Variants in ATL3 observed in about 807,000 individuals in gnomAD.
The protein encoded by ATL3 is atlastin-3.
In ATL3, 49 loss-of-function variants were observed where a neutral mutation model predicts 69.5. The observed-to-expected ratio is 0.71, with a 90% CI of 0.56 to 0.89. ATL3 has a LOEUF of 0.89. Ranked by LOEUF, ATL3 falls within the 40% of genes least tolerant of loss-of-function variation. The probability of loss-of-function intolerance (pLI) is 0.00; values close to 1 mark genes in which losing one functional copy is unlikely to be tolerated. For synonymous variants in ATL3, 214 were observed against 224.1 expected, an observed-to-expected ratio of 0.95 and a Z score of 0.40; for missense variants, 606 against 645.7, an observed-to-expected ratio of 0.94 and a Z score of 0.67.
rs147708679 is a variant in ATL3, at chr11:63,666,584, C to T, written c.46+4706G>A. 6.5e-3 allele frequency among the ~76,000 whole-genome samples: 962 copies of T among 147,738 alleles called. 7 individuals carry two copies. The highest frequency in any genetic ancestry group is 0.022 in the African/African-American group (889 of 40,596). On this transcript the variant is annotated intron_variant, in intron 1 of 12. Coordinates refer to ENST00000398868, the MANE Select transcript of ATL3 (RefSeq NM_015459.5). ...CAAGTGCTAACTGGGTGTGGTGGCT[C>T]ATGCATGTAATCCCAGCACTTTGGG...
intron 3 of ATL3, among the ~76,000 whole-genome samples, chr11:63,655,741 G>A (rs114342166): frequency 0.026 from 4,006 of 151,246 alleles, 176 homozygotes; most frequent in African/African-American, 0.091. Context: ...CCACCGCGCC[G>A]GCCAAAGAAT....
At position 63,628,264 on chromosome 11, in the gene ATL3, A is replaced by G. The variant is rs2134455509; in HGVS notation, c.*1055T>C. On this transcript the variant is annotated 3_prime_UTR_variant, in exon 13 of 13. Transcript: ENST00000398868. ...TAGCGCATTCCTTTTATTATGAGCC[A>G]CTCTGGCTTTTCAAGGCACGTTTGC... The G allele has an allele frequency of 6.6e-6, 1 of 150,866 alleles. No individual in the cohort carries two copies. Among genetic ancestry groups the G allele is most frequent in the South Asian group, 2.1e-4 (1 of 4,792 alleles). 9.3% of individuals were successfully genotyped at this position (150,866 alleles called of 1,614,324 possible). A position where few individuals can be genotyped will look rare whatever the true frequency, so the allele number is the denominator to read the frequency against.
chr11:63,646,269 T>A (rs1454234072), intron 6 of ATL3, among the ~76,000 whole-genome samples: 2 of 152,240 alleles, frequency 1.3e-5, no homozygotes, highest in South Asian at 2.1e-4. Flanking sequence ...CAAATGAGCA[T>A]GGCTGTGTTA....
At chr11:63,666,860 G>A (rs1043521879) in intron 1 of ATL3, among the ~76,000 whole-genome samples, 8 of 152,178 alleles carry the variant, frequency 5.3e-5, no homozygotes, top group Admixed American at 1.3e-4. Context: ...AGTTAATGCT[G>A]TATTACATTA....
At chr11:63,635,614 G>A (rs766282029) in intron 9 of ATL3, 24 bp from the exon 10 acceptor site, 1 of 1,526,906 alleles carries the variant, frequency 6.5e-7, no homozygotes, top group Admixed American at 1.7e-5. Flanking sequence ...CATAAAAACT[G>A]CTATAAAATG....
At position 63,644,246 on chromosome 11, in the gene ATL3, C is replaced by T; in HGVS notation, c.634G>A (p.Val212Ile). The T allele has an allele frequency of 6.2e-7, 1 of 1,603,138 alleles. No homozygotes were observed. The highest frequency in any genetic ancestry group is 8.5e-7 in the Non-Finnish European group (1 of 1,173,196). The change falls in exon 7 of 13, where the codon GTT becomes ATT. Residue 212 changes from valine (V) to isoleucine (I), a missense_variant. Val to Ile is a conservative substitution (Grantham distance 29). Transcript: ENST00000398868. ...TCATAAGGGAAACTCCAATCTCTAA[C>T]CAAAAACATCAGTGTCTATTTAAGA... The part of the protein sequence containing the change: ...QKPFQTLMFL[V>I]RDWSFPYEYS...
intron 1 of ATL3, among the ~76,000 whole-genome samples, chr11:63,665,491 A>C (rs142474241): frequency 6.6e-6 from 1 of 152,286 alleles, no homozygotes; most frequent in Non-Finnish European, 1.5e-5. Context: ...CCAAGAATAA[A>C]GGAAGGGAAC....
intron 6 of ATL3, 105 bp downstream of exon 6, chr11:63,646,402 A>G: frequency 6.4e-6 from 4 of 626,468 alleles, no homozygotes; most frequent in Non-Finnish European, 8.5e-6. Flanking sequence ...CTCACAAGTC[A>G]TATAAAAACA....
intron 6 of ATL3, 116 bp downstream of exon 6, chr11:63,646,391 G>T: frequency 6.9e-6 from 4 of 575,808 alleles, no homozygotes; most frequent in South Asian, 2.1e-5. Flanking sequence ...ACCATTCTTA[G>T]CTCACAAGTC....
Position 63,633,022 on chromosome 11 carries a change from G to A in ATL3, c.1107+4C>T, listed in dbSNP as rs369978511. The A allele has an allele frequency of 2.1e-5, 34 of 1,613,390 alleles. No homozygotes were observed. The highest frequency in any genetic ancestry group is 2.7e-5 in the African/African-American group (2 of 74,906). On this transcript the variant is annotated splice_donor_region_variant and intron_variant, in intron 11 of 12. Coordinates refer to ENST00000398868, the MANE Select transcript of ATL3 (RefSeq NM_015459.5). The stretch of plus-strand genomic sequence containing the variant: ...TTTCAGAATAAGGCGTATGTCCCAC[G>A]TACCTCTTCCATGTTGTTATAATAA...
intron 8 of ATL3, among the ~76,000 whole-genome samples, chr11:63,640,881 C>T (rs996141621): frequency 7.9e-5 from 12 of 152,010 alleles, no homozygotes; most frequent in Non-Finnish European, 1.5e-4. Context: ...GGATTACAGG[C>T]GTGAGCCACT....
intron 10 of ATL3, among the ~76,000 whole-genome samples, chr11:63,634,732 A>G (rs1330054242): frequency 3.9e-5 from 6 of 152,156 alleles, no homozygotes; most frequent in Admixed American, 3.3e-4. Context: ...ACTAAAGTAA[A>G]TAACAGGTCA....
chr11:63,669,713 G>A (rs865969653), intron 1 of ATL3, among the ~76,000 whole-genome samples: 38 of 152,036 alleles, frequency 2.5e-4, no homozygotes, highest in African/African-American at 8.0e-4. Flanking sequence ...AGGCCGAGGA[G>A]AGGAGGGTGG....
intron 11 of ATL3, chr11:63,632,683 T>C: frequency 7.9e-7 from 1 of 1,260,182 alleles, no homozygotes; most frequent in Non-Finnish European, 1.2e-6. Context: ...TTTGGATTTT[T>C]ATGTGCCAGC....
At chr11:63,658,029 T>C (rs1940311530) in intron 3 of ATL3, among the ~76,000 whole-genome samples, 1 of 152,262 alleles carries the variant, frequency 6.6e-6, no homozygotes, top group African/African-American at 2.4e-5. Context: ...GCTAATTTTT[T>C]GTATTTTTAG....
intron 1 of ATL3, among the ~76,000 whole-genome samples, chr11:63,669,213 A>G (rs1371194900): frequency 6.6e-6 from 1 of 152,070 alleles, no homozygotes; most frequent in Non-Finnish European, 1.5e-5. Context: ...GCTGTGAAAT[A>G]TATCTAAGGT....
chr11:63,638,660 G>A (rs985738415), intron 8 of ATL3, among the ~76,000 whole-genome samples: 3 of 151,406 alleles, frequency 2.0e-5, no homozygotes, highest in Admixed American at 6.6e-5. Flanking sequence ...AGCTGAGATC[G>A]CACCACTGCA....
chr11:63,637,259 G>C, intron 8 of ATL3, among the ~76,000 whole-genome samples: 1 of 150,154 alleles, frequency 6.7e-6, no homozygotes, highest in East Asian at 2.0e-4. Flanking sequence ...CTGGGCAACA[G>C]AGTGAGACTC....
At chr11:63,655,987 G>A (rs997791743) in intron 3 of ATL3, among the ~76,000 whole-genome samples, 3 of 151,754 alleles carry the variant, frequency 2.0e-5, no homozygotes, top group African/African-American at 7.3e-5. Context: ...CACTTTGGGA[G>A]GCCAAGGCGG....
Sources: gnomAD v4.1 joint callset for allele counts (sites outside exome capture counted in the v4.1 genomes callset) on GRCh38, gnomAD v4.1.1 for gene constraint, MANE v1.5 for transcripts, NCBI Gene and HGNC (gene_info 2026-07-23, HGNC 2026-07-21) for gene names.